Variants in CACNB2 observed in about 807,000 individuals in gnomAD.
The protein encoded by CACNB2 is voltage-dependent L-type calcium channel subunit beta-2.
A neutral mutation model predicts 73.3 loss-of-function variants in CACNB2; 42 were observed. The ratio of observed to expected loss-of-function variants is 0.57; its 90% confidence interval spans 0.45 to 0.74. The LOEUF is 0.74. Ranked by LOEUF, CACNB2 falls within the 30% of genes least tolerant of loss-of-function variation. The probability of loss-of-function intolerance (pLI) is 0.00; values close to 1 mark genes in which losing one functional copy is unlikely to be tolerated. For missense variants in CACNB2, 940 were observed against 853.0 expected, an observed-to-expected ratio of 1.10 and a Z score of -1.27; for synonymous variants, 348 against 310.3, an observed-to-expected ratio of 1.12 and a Z score of -1.28.
At chr10:18,379,451 C>T (rs770960709) in intron 2 of CACNB2, among the ~76,000 whole-genome samples, 4 of 152,080 alleles carry the variant, frequency 2.6e-5, no homozygotes, top group Non-Finnish European at 5.9e-5. Context: ...TGACCGCAGG[C>T]GATCCGCCTG....
chr10:18,438,692 T>G (rs536486236), intron 3 of CACNB2, among the ~76,000 whole-genome samples: 1 of 152,376 alleles, frequency 6.6e-6, no homozygotes, highest in African/African-American at 2.4e-5. Context: ...GCATTCGGAT[T>G]TATATAGAAC....
intron 2 of CACNB2, among the ~76,000 whole-genome samples, chr10:18,186,180 G>A (rs560270062): frequency 5.3e-5 from 8 of 152,296 alleles, no homozygotes; most frequent in South Asian, 2.1e-4. Context: ...AGCACTTCGG[G>A]AGGTGAAGGT....
chr10:18,262,121 C>A, intron 2 of CACNB2: 1 of 441,214 alleles, frequency 2.3e-6, no homozygotes, highest in Non-Finnish European at 4.5e-6. Flanking sequence ...TTGCTTAACA[C>A]TGGTTTGACA....
intron 3 of CACNB2, among the ~76,000 whole-genome samples, chr10:18,454,592 A>G (rs2047179878): frequency 6.6e-6 from 1 of 152,284 alleles, no homozygotes; most frequent in Non-Finnish European, 1.5e-5. Flanking sequence ...AGCATTTAAT[A>G]TCAATCATAG....
chr10:18,290,076 T>C (rs1401926433), intron 2 of CACNB2, among the ~76,000 whole-genome samples: 1 of 151,270 alleles, frequency 6.6e-6, no homozygotes, highest in African/African-American at 2.4e-5. Flanking sequence ...GTATCTTAAT[T>C]TCCTTCTCTT....
intron 1 of CACNB2, among the ~76,000 whole-genome samples, chr10:18,141,989 A>T (rs553689869): frequency 6.6e-6 from 1 of 152,306 alleles, no homozygotes; most frequent in East Asian, 1.9e-4. Context: ...ACATACACAC[A>T]CTAGAGAGCA....
intron 2 of CACNB2, among the ~76,000 whole-genome samples, chr10:18,258,394 T>C (rs978431533): frequency 1.3e-5 from 2 of 152,222 alleles, no homozygotes; most frequent in Admixed American, 1.3e-4. Context: ...TCAGTTATTC[T>C]AGTAAAAATG....
chr10:18,528,976 A>T (rs983875382), intron 10 of CACNB2, among the ~76,000 whole-genome samples: 25 of 152,056 alleles, frequency 1.6e-4, no homozygotes, highest in African/African-American at 4.8e-4. Context: ...AGTATCTGGG[A>T]CTACAGGCAC....
chr10:18,390,549 A>G (rs548555218), intron 2 of CACNB2, among the ~76,000 whole-genome samples: 1 of 152,222 alleles, frequency 6.6e-6, no homozygotes, highest in South Asian at 2.1e-4. Flanking sequence ...GTCTATTAAG[A>G]TATTCTAGAG....
At chr10:18,175,167 T>C (rs1461833670) in intron 2 of CACNB2, among the ~76,000 whole-genome samples, 1 of 152,150 alleles carries the variant, frequency 6.6e-6, no homozygotes, top group African/African-American at 2.4e-5. Flanking sequence ...TTAGAAACAA[T>C]ATAATTATGT....
chr10:18,181,350 CTT>C (rs1310446360), intron 2 of CACNB2, among the ~76,000 whole-genome samples: 2 of 152,064 alleles, frequency 1.3e-5, no homozygotes, highest in African/African-American at 4.8e-5. Flanking sequence ...TTCCCATTGA[CTT>C]AAGTTTTTCA....
intron 2 of CACNB2, among the ~76,000 whole-genome samples, chr10:18,267,166 G>GAAATTGA (rs2131624341): frequency 6.7e-6 from 1 of 148,192 alleles, no homozygotes; most frequent in South Asian, 2.2e-4. Flanking sequence ...ATTTTCGTAA[G>GAAATTGA]AAATTGATAA....
chr10:18,530,924 T>G (rs1270802551), intron 10 of CACNB2, among the ~76,000 whole-genome samples: 1 of 152,184 alleles, frequency 6.6e-6, no homozygotes, highest in Non-Finnish European at 1.5e-5. Context: ...GCCACTTTGA[T>G]ATGTGGCAGT....
chr10:18,150,891 A>T lies in CACNB2; in HGVS notation c.129A>T (p.Gly43=). The change falls in exon 2 of 14, where the codon GGA becomes GGT. Residue 43 remains glycine, a synonymous_variant. Coordinates refer to ENST00000324631, the MANE Select transcript of CACNB2 (RefSeq NM_201596.3). ...GALGAAAQSY[G]KGARRKNRFK... is the part of the protein sequence containing the mutation. ...TTTTTTTTTTTTTTTAGTCATATGG[A>T]AAAGGAGCCAGAAGGAAAAACAGAT... 1 of 879,026 alleles carries T rather than the reference A, an allele frequency of 1.1e-6. No homozygotes were observed. The highest frequency in any genetic ancestry group is 1.6e-6 in the Non-Finnish European group (1 of 636,862). The allele number at this position is 879,026 out of a possible 1,614,324, so 54.5% of individuals were successfully genotyped here. A position where few individuals can be genotyped will look rare whatever the true frequency, so the allele number is the denominator to read the frequency against.
chr10:18,241,449 G>T (rs1006878166), intron 2 of CACNB2, among the ~76,000 whole-genome samples: 9 of 152,128 alleles, frequency 5.9e-5, no homozygotes, highest in African/African-American at 1.9e-4. Flanking sequence ...TGGGAGGCTA[G>T]GGGAGGGATA....
intron 2 of CACNB2, among the ~76,000 whole-genome samples, chr10:18,362,670 G>A (rs1316451433): frequency 5.3e-5 from 8 of 152,180 alleles, no homozygotes; most frequent in Admixed American, 4.6e-4. Context: ...GCTGGGCGCC[G>A]TGGCTCACGC....
intron 2 of CACNB2, among the ~76,000 whole-genome samples, chr10:18,266,862 C>T (rs1052362687): frequency 6.6e-6 from 1 of 152,122 alleles, no homozygotes; most frequent in Non-Finnish European, 1.5e-5. Context: ...TGCACTCCAG[C>T]CTGGGAGACA....
chr10:18,395,756 C>G (rs1468187044), intron 2 of CACNB2, among the ~76,000 whole-genome samples: 1 of 152,160 alleles, frequency 6.6e-6, no homozygotes, highest in Non-Finnish European at 1.5e-5. Context: ...TTGCTATCAC[C>G]TCTGTTACTA....
chr10:18,508,154 A>G (rs1440838648), intron 6 of CACNB2, among the ~76,000 whole-genome samples: 1 of 152,200 alleles, frequency 6.6e-6, no homozygotes, highest in Admixed American at 6.5e-5. Context: ...TCCAAGTTCT[A>G]CACAGAATAT....
Sources: gnomAD v4.1 joint callset for allele counts (sites outside exome capture counted in the v4.1 genomes callset) on GRCh38, gnomAD v4.1.1 for gene constraint, MANE v1.5 for transcripts, NCBI Gene and HGNC (gene_info 2026-07-23, HGNC 2026-07-21) for gene names.